FNIP1: variants seen among roughly 807,000 people sequenced by gnomAD.
FNIP1 encodes the protein folliculin interacting protein 1, also known as folliculin-interacting protein 1.
A neutral mutation model predicts 124.5 loss-of-function variants in FNIP1; 40 were observed. The ratio of observed to expected loss-of-function variants is 0.32; its 90% confidence interval spans 0.25 to 0.42. The LOEUF is 0.42. FNIP1 is among the 10% of genes least tolerant of loss of function. FNIP1 has a pLI of 1.00. For synonymous variants in FNIP1, 472 were observed against 470.6 expected, an observed-to-expected ratio of 1.00 and a Z score of -0.04; for missense variants, 1,176 against 1,403.7, an observed-to-expected ratio of 0.84 and a Z score of 2.59.
At chr5:131,793,609 G>T (rs747126838) in intron 1 of FNIP1, among the ~76,000 whole-genome samples, 8 of 152,184 alleles carry the variant, frequency 5.3e-5, no homozygotes. Flanking sequence ...GAAGACAAGG[G>T]AAGGGGGTAT....
At chr5:131,722,375 G>A (rs1438161756) in intron 3 of FNIP1, among the ~76,000 whole-genome samples, 2 of 152,116 alleles carry the variant, frequency 1.3e-5, no homozygotes, top group East Asian at 3.9e-4. Flanking sequence ...TTTAGAGAGT[G>A]TCCCAATACC....
rs1349407796 is a variant in FNIP1 at position 131,642,067 on chromosome 5, T to A, written c.*2618A>T. The A allele has an allele frequency of 3.3e-5, 5 of 152,666 alleles. No individual in the cohort carries two copies. The highest frequency in any genetic ancestry group is 1.2e-4 in the African/African-American group (5 of 41,518). 9.5% of individuals were successfully genotyped at this position (152,666 alleles called of 1,614,324 possible). On this transcript the variant is annotated 3_prime_UTR_variant, in exon 18 of 18. Transcript: ENST00000510461. ...CAATTAGTTTATATACAAGAAAAAA[T>A]TAGTTTTAATTCTATAATGTAAAAG...
At chr5:131,673,914 T>C (rs1767839014) in intron 13 of FNIP1, among the ~76,000 whole-genome samples, 1 of 151,988 alleles carries the variant, frequency 6.6e-6, no homozygotes, top group Non-Finnish European at 1.5e-5. Context: ...TGGGCACCTG[T>C]AGTCCCAGCT....
chr5:131,658,907 C>CAAAAAAAAAAAAAAAAA (rs70974003), intron 15 of FNIP1, among the ~76,000 whole-genome samples: 4 of 41,164 alleles, frequency 9.7e-5, no homozygotes, highest in African/African-American at 3.1e-4. Context: ...TGGGTCTAGC[C>CAAAAAAAAAAAAAAAAA]AAAAAAAAAA....
intron 16 of FNIP1, 41 bp downstream of exon 16, chr5:131,651,761 G>A (rs767486429): frequency 1.8e-5 from 29 of 1,575,056 alleles, no homozygotes; most frequent in Non-Finnish European, 2.5e-5. Flanking sequence ...AAAGCTTTAA[G>A]CAGTGCTTAA....
intron 1 of FNIP1, among the ~76,000 whole-genome samples, chr5:131,757,661 T>G (rs1378552397): frequency 7.0e-6 from 1 of 142,726 alleles, no homozygotes. Context: ...GGTGGACAAA[T>G]TGGGAAGAAA....
chr5:131,670,378 T>C (rs1314781037), intron 15 of FNIP1, 85 bp downstream of exon 15: 1 of 1,209,710 alleles, frequency 8.3e-7, no homozygotes, highest in Non-Finnish European at 1.1e-6. Context: ...GTAAAAAGTA[T>C]GACCAAAAAT....
At chr5:131,734,624 A>G (rs993757064) in intron 2 of FNIP1, among the ~76,000 whole-genome samples, 2 of 152,204 alleles carry the variant, frequency 1.3e-5, no homozygotes, top group South Asian at 2.1e-4. Context: ...GAAAAAAAAC[A>G]AACAACCCCA....
intron 1 of FNIP1, among the ~76,000 whole-genome samples, chr5:131,792,160 CT>C (rs1236842478): frequency 1.2e-3 from 169 of 137,216 alleles, no homozygotes; most frequent in East Asian, 2.5e-3. Context: ...ATAACTGGCA[CT>C]TTTTTTTTTT....
intron 9 of FNIP1, among the ~76,000 whole-genome samples, chr5:131,705,224 A>G (rs1241894978): frequency 6.6e-6 from 1 of 151,984 alleles, no homozygotes; most frequent in Non-Finnish European, 1.5e-5. Flanking sequence ...TAATCCTAGC[A>G]CTTTGGGAGG....
chr5:131,715,614 T>C (rs1039218753), intron 6 of FNIP1, among the ~76,000 whole-genome samples: 1 of 152,146 alleles, frequency 6.6e-6, no homozygotes, highest in Admixed American at 6.5e-5. Flanking sequence ...TTTCCTTTAT[T>C]AAAATCAATG....
intron 1 of FNIP1, among the ~76,000 whole-genome samples, chr5:131,745,941 G>C (rs1770663209): frequency 6.6e-6 from 1 of 152,212 alleles, no homozygotes; most frequent in Admixed American, 6.5e-5. Context: ...GGAGGGAAAA[G>C]TGTAACCAGA....
chr5:131,680,306 T>G (rs886381933), intron 11 of FNIP1, among the ~76,000 whole-genome samples: 1 of 152,196 alleles, frequency 6.6e-6, no homozygotes, highest in Non-Finnish European at 1.5e-5. Context: ...CTCTACAAAT[T>G]TTGTTGAATT....
rs1580721324 is a variant in FNIP1, at chr5:131,644,420, G to A, written c.*265C>T. 14 of 289,248 alleles carry A rather than the reference G, an allele frequency of 4.8e-5. No individual in the cohort carries two copies. In the Admixed American group the frequency reaches 5.6e-4, roughly 12 times the overall value. 17.9% of individuals were successfully genotyped at this position (289,248 alleles called of 1,614,324 possible). ...TATTCATTTTGTAGAAATTTCTACCGTACACTTTGGCTTTTTCAAATGCTT... is the reference window on the plus strand; with the variant it reads ...TATTCATTTTGTAGAAATTTCTACCATACACTTTGGCTTTTTCAAATGCTT... On this transcript the variant is annotated 3_prime_UTR_variant, in exon 18 of 18. Transcript: ENST00000510461.
intron 1 of FNIP1, among the ~76,000 whole-genome samples, chr5:131,787,823 G>C (rs1772267311): frequency 6.6e-6 from 1 of 152,142 alleles, no homozygotes; most frequent in Non-Finnish European, 1.5e-5. Flanking sequence ...TAGAAGAACA[G>C]TGTGGGGCCA....
At chr5:131,751,844 T>C (rs1447504847) in intron 1 of FNIP1, among the ~76,000 whole-genome samples, 2 of 152,184 alleles carry the variant, frequency 1.3e-5, no homozygotes, top group Non-Finnish European at 2.9e-5. Context: ...GGTTTCTTTC[T>C]GGGGAGATGA....
chr5:131,785,635 G>A (rs574966964), intron 1 of FNIP1, among the ~76,000 whole-genome samples: 9 of 152,194 alleles, frequency 5.9e-5, no homozygotes, highest in African/African-American at 2.2e-4. Context: ...GGAACTGATC[G>A]TGTCACAGAC....
chr5:131,727,141 A>T (rs948012761), intron 3 of FNIP1, among the ~76,000 whole-genome samples: 1 of 152,120 alleles, frequency 6.6e-6, no homozygotes, highest in African/African-American at 2.4e-5. Flanking sequence ...TGGGGTGGAG[A>T]GTTCTGCAGA....
chr5:131,758,602 C>T (rs1771125268), intron 1 of FNIP1, among the ~76,000 whole-genome samples: 2 of 152,186 alleles, frequency 1.3e-5, no homozygotes, highest in Admixed American at 6.5e-5. Context: ...GAAAACTATT[C>T]AGTGATGAAC....
Sources: gnomAD v4.1 joint callset for allele counts (sites outside exome capture counted in the v4.1 genomes callset) on GRCh38, gnomAD v4.1.1 for gene constraint, MANE v1.5 for transcripts, NCBI Gene and HGNC (gene_info 2026-07-23, HGNC 2026-07-21) for gene names.